CETP: variants seen among roughly 807,000 people sequenced by gnomAD.
The protein encoded by CETP is BPI fold containing family F.
CETP carries 56 observed loss-of-function variants against 66.5 expected under a neutral mutation model. The ratio of observed to expected loss-of-function variants is 0.84; its 90% CI spans 0.68 to 1.05. The LOEUF is 1.05. Among genes scored for constraint, CETP ranks in the 50% least tolerant of loss-of-function variants. CETP has a pLI of 0.00. For synonymous variants in CETP, 251 were observed against 245.7 expected (o/e 1.02, Z -0.20); for missense variants, 612 against 609.6 (o/e 1.00, Z -0.04).
rs12720900 is a variant in CETP at position 56,977,385 on chromosome 16, T to C, written c.982-706T>C. On this transcript the variant is annotated intron_variant, in intron 10 of 15. Transcript: ENST00000200676. Reference sequence around the variant, plus strand: ...CCGCTGGCTGCCTGCGCATTCCTTATCTTGGCCATGTTCCTTCCACAGGGC... The same window carrying C: ...CCGCTGGCTGCCTGCGCATTCCTTACCTTGGCCATGTTCCTTCCACAGGGC... Among the ~76,000 whole-genome samples, 132 of 152,198 alleles carry C rather than the reference T, an allele frequency of 8.7e-4. 2 individuals are homozygous for C. Among genetic ancestry groups the C allele is most frequent in the Non-Finnish European group, 5.0e-4 (34 of 68,004 alleles).
intron 9 of CETP, among the ~76,000 whole-genome samples, chr16:56,974,630 TG>T (rs1337792368): frequency 6.6e-6 from 1 of 152,252 alleles, no homozygotes; most frequent in Non-Finnish European, 1.5e-5. Flanking sequence ...TGCTACACTT[TG>T]TTTTGTTGCA....
In CETP at chr16:56,966,575, G is replaced by T. The variant is rs529394386; in HGVS notation, c.234-2811G>T. ...CCCTGCAGCCCGGCTGGGTTTTTTTGTTTGTTTGTTTGTGGGTTTTTTTGT... is the reference window on the plus strand; with the variant it reads ...CCCTGCAGCCCGGCTGGGTTTTTTTTTTTGTTTGTTTGTGGGTTTTTTTGT... On this transcript the variant is annotated intron_variant, in intron 2 of 15. Transcript: ENST00000200676. Among the ~76,000 whole-genome samples, 3 of 152,040 alleles carry T rather than the reference G, an allele frequency of 2.0e-5. No homozygotes were observed. In the South Asian group the frequency reaches 6.2e-4, roughly 32 times the overall value.
At position 56,972,031 on chromosome 16, in the gene CETP, C is replaced by T. The variant is rs765669263; in HGVS notation, c.698C>T (p.Ser233Phe). 1.2e-6 allele frequency: 2 copies of T among 1,614,188 alleles called. No individual in the cohort carries two copies. The highest frequency in any genetic ancestry group is 3.3e-5 in the Admixed American group (2 of 60,030). ...GATGGAGACATTGGGGTGGACATTT[C>T]CCTGACAGGTGATCCCGTCATCACA... ...LSDGDIGVDI[S>F]LTGDPVITAS... The change falls in exon 8 of 16, where the codon TCC becomes TTC. Residue 233 changes from serine to phenylalanine, a missense_variant. Ser to Phe is a radical substitution (Grantham distance 155, BLOSUM62 -2). Coordinates refer to ENST00000200676, the MANE Select transcript of CETP (RefSeq NM_000078.3).
intron 13 of CETP, among the ~76,000 whole-genome samples, 199 bp from the exon 14 acceptor site, chr16:56,981,966 T>C (rs533489407): frequency 5.9e-5 from 9 of 152,270 alleles, no homozygotes; most frequent in South Asian, 2.1e-4. Context: ...TGGAATGGGC[T>C]AGCAATCCTG....
chr16:56,980,735 A>G (rs2056181572), intron 11 of CETP, among the ~76,000 whole-genome samples: 1 of 152,148 alleles, frequency 6.6e-6, no homozygotes, highest in Non-Finnish European at 1.5e-5. Flanking sequence ...CAGCCTGGCC[A>G]ATATGATGAA....
chr16:56,975,245 T>C (rs935827514), intron 10 of CETP, 94 bp downstream of exon 10: 9 of 1,054,274 alleles, frequency 8.5e-6, no homozygotes, highest in African/African-American at 7.8e-5. Context: ...ACACCACCAA[T>C]GGCAACAATT....
chr16:56,982,560 T>C (rs1333301823), intron 14 of CETP, among the ~76,000 whole-genome samples: 1 of 152,214 alleles, frequency 6.6e-6, no homozygotes, highest in Non-Finnish European at 1.5e-5. Flanking sequence ...TGAGACCTAG[T>C]TCTAGCCCAG....
In CETP at chr16:56,976,205, G is replaced by A. The variant is rs72771489; in HGVS notation, c.981+1054G>A. On this transcript the variant is annotated intron_variant, in intron 10 of 15. Transcript: ENST00000200676. ...TGGGGACCCATCTGTAGCTCCCGGT[G>A]GGTCTCCCTGTGTCCTGATACCCTC... 6.6e-3 allele frequency among the ~76,000 whole-genome samples: 1,012 copies of A among 152,204 alleles called. 6 individuals are homozygous for A. The highest frequency in any genetic ancestry group is 0.02 in the Middle Eastern group (6 of 294).
At chr16:56,965,274 G>A (rs2056058079) in intron 2 of CETP, among the ~76,000 whole-genome samples, 1 of 127,238 alleles carries the variant, frequency 7.9e-6, no homozygotes, top group Non-Finnish European at 1.7e-5. Flanking sequence ...AAACGTATAT[G>A]AGTGGGGTAG....
At position 56,970,018 on chromosome 16, in the gene CETP, G is replaced by A. The variant is rs1163771240; in HGVS notation, c.527+17G>A. The A allele has an allele frequency of 6.2e-7, 1 of 1,610,102 alleles. No individual in the cohort carries two copies. Among genetic ancestry groups the A allele is most frequent in the Admixed American group, 1.7e-5 (1 of 59,794 alleles). On this transcript the variant is annotated intron_variant, in intron 5 of 15. Transcript: ENST00000200676. ...GGAGCGAGAGTAAGTACACCACCCTGTGGCCCCCATTCCTGCTCGTGCCCA... is the reference window on the plus strand; with the variant it reads ...GGAGCGAGAGTAAGTACACCACCCTATGGCCCCCATTCCTGCTCGTGCCCA...
Position 56,973,439 on chromosome 16 carries a change from T to G in CETP, c.859T>G (p.Phe287Val), listed in dbSNP as rs745468187. The change falls in exon 9 of 16, where the codon TTC (phenylalanine) becomes GTC (valine). Residue 287 changes from phenylalanine to valine, a missense_variant. By Grantham distance (50) the Phe-to-Val change is conservative (BLOSUM62 -1). Coordinates refer to ENST00000200676, the MANE Select transcript of CETP (RefSeq NM_000078.3). ...MLYFWFSERV[F>V]HSLAKVAFQD... is the part of the protein sequence containing the mutation. ...GTACTTCTGGTTCTCTGAGCGAGTC[T>G]TCCACTCGCTGGCCAAGGTAGCTTT... 3.7e-6 allele frequency: 6 copies of G among 1,614,082 alleles called. No individual in the cohort carries two copies. In the South Asian group the frequency reaches 6.6e-5, roughly 18 times the overall value.
At chr16:56,970,386 G>A (rs1409128011) in intron 5 of CETP, among the ~76,000 whole-genome samples, 2 of 152,146 alleles carry the variant, frequency 1.3e-5, no homozygotes, top group African/African-American at 2.4e-5. Flanking sequence ...TCTACGGAGT[G>A]CATCCTGCAT....
rs773557160 is a variant in CETP, at chr16:56,983,683, C to T, written c.*17C>T. Reference sequence around the variant, plus strand: ...TTGAGCTAGAAGTCTCCAAGGAGGTCGGGATGGGGCTTGTAGCAGAAGGCA... The same window carrying T: ...TTGAGCTAGAAGTCTCCAAGGAGGTTGGGATGGGGCTTGTAGCAGAAGGCA... On this transcript the variant is annotated 3_prime_UTR_variant, in exon 16 of 16. Coordinates refer to ENST00000200676, the MANE Select transcript of CETP (RefSeq NM_000078.3). The T allele has an allele frequency of 7.4e-6, 12 of 1,611,860 alleles. No homozygotes were observed. Among genetic ancestry groups the T allele is most frequent in the Admixed American group, 3.3e-5 (2 of 59,996 alleles).
chr16:56,963,031 T>G lies in CETP; in HGVS notation c.140T>G (p.Val47Gly). Residue 47 changes from valine (V) to glycine (G), a missense_variant, in exon 2 of 16, where the codon GTG (valine) becomes GGG (glycine). Physicochemically the swap from Val to Gly is moderately radical, Grantham distance 109. Transcript: ENST00000200676. Reference sequence around the variant, plus strand: ...CTAGTGAACCACGAGACTGCCAAGGTGATCCAGACCGCCTTCCAGCGAGCC... The same window carrying G: ...CTAGTGAACCACGAGACTGCCAAGGGGATCCAGACCGCCTTCCAGCGAGCC... ...LLVLNHETAK[V>G]IQTAFQRASY... 1 of 1,613,962 alleles carries G rather than the reference T, an allele frequency of 6.2e-7. No individual in the cohort carries two copies. The highest frequency in any genetic ancestry group is 1.3e-5 in the African/African-American group (1 of 74,992).
At chr16:56,974,847 C>A (rs2056138228) in intron 9 of CETP, among the ~76,000 whole-genome samples, 1 of 152,176 alleles carries the variant, frequency 6.6e-6, no homozygotes, top group African/African-American at 2.4e-5. Flanking sequence ...CTGAGGCCCA[C>A]AGAGGGGAAG....
Position 56,962,087 on chromosome 16 carries a change from C to T in CETP, c.108C>T (p.Ala36=), listed in dbSNP as rs1232356826. ...TCGTGTGCCGCATCACCAAGCCTGC[C>T]CTCCTGGTGTGTAAGTATCAGTGCA... is the stretch of plus-strand genomic sequence containing the variant. ...AGIVCRITKP[A]LLVLNHETAK... The change falls in exon 1 of 16, where the codon GCC becomes GCT. Residue 36 remains alanine (A), a synonymous_variant. Coordinates refer to ENST00000200676, the MANE Select transcript of CETP (RefSeq NM_000078.3). The T allele has an allele frequency of 1.2e-6, 2 of 1,613,454 alleles. No individual in the cohort carries two copies. Among genetic ancestry groups the T allele is most frequent in the East Asian group, 4.5e-5 (2 of 44,886 alleles).
At chr16:56,977,453 C>T (rs1428755425) in intron 10 of CETP, among the ~76,000 whole-genome samples, 1 of 152,152 alleles carries the variant, frequency 6.6e-6, no homozygotes, top group Non-Finnish European at 1.5e-5. Flanking sequence ...TTTGCCCTCC[C>T]CCATGCCATC....
In CETP at chr16:56,963,081, A is replaced by G. The variant is rs769557581; in HGVS notation, c.190A>G (p.Lys64Glu). ...CAGCTACCCAGATATCACGGGCGAGAAGGCCATGATGCTCCTTGGCCAAGT... is the reference window on the plus strand; with the variant it reads ...CAGCTACCCAGATATCACGGGCGAGGAGGCCATGATGCTCCTTGGCCAAGT... The part of the protein sequence containing the change: ...RASYPDITGE[K>E]AMMLLGQVKY... Residue 64 changes from lysine (K) to glutamate (E), a missense_variant, in exon 2 of 16, where the codon AAG becomes GAG. By Grantham distance (56) the Lys-to-Glu change is moderately conservative. Transcript: ENST00000200676. The G allele has an allele frequency of 1.2e-6, 2 of 1,614,164 alleles. No individual in the cohort carries two copies. The highest frequency in any genetic ancestry group is 3.3e-5 in the Admixed American group (2 of 60,026).
At chr16:56,969,107 C>T (rs1318335297) in intron 2 of CETP, among the ~76,000 whole-genome samples, 1 of 151,950 alleles carries the variant, frequency 6.6e-6, no homozygotes, top group Non-Finnish European at 1.5e-5. Flanking sequence ...CTTTTCGGTA[C>T]CCTGTGATTG....
Sources: gnomAD v4.1 joint callset for allele counts (sites outside exome capture counted in the v4.1 genomes callset) on GRCh38, gnomAD v4.1.1 for gene constraint, MANE v1.5 for transcripts, NCBI Gene and HGNC (gene_info 2026-07-23, HGNC 2026-07-21) for gene names.